Variants in FAR1 observed in about 807,000 individuals in gnomAD.
FAR1 encodes fatty acyl-CoA reductase 1, also known as male sterility domain-containing protein 2.
In FAR1, 22 loss-of-function variants were observed where a neutral mutation model predicts 61.1. The observed-to-expected ratio is 0.36, with a 90% CI of 0.26 to 0.51. FAR1 has a LOEUF of 0.51. Among genes scored for constraint, FAR1 ranks in the 20% least tolerant of loss-of-function variants. FAR1 has a pLI of 0.95. For missense variants in FAR1, 359 were observed against 626.9 expected (o/e 0.57, Z 4.56); for synonymous variants, 206 against 209.7 (o/e 0.98, Z 0.15).
chr11:13,675,008 A>G (rs1321091124), intron 1 of FAR1, among the ~76,000 whole-genome samples: 1 of 151,358 alleles, frequency 6.6e-6, no homozygotes, highest in African/African-American at 2.4e-5. Flanking sequence ...TGCTTCATCC[A>G]TACCTCCATC....
rs137930619 is a variant in FAR1, at chr11:13,675,276, A to G, written c.-8+6470A>G. Among the ~76,000 whole-genome samples the G allele has an allele frequency of 5.4e-3, 823 of 152,282 alleles. 5 individuals carry two copies. The highest frequency in any genetic ancestry group is 8.6e-3 in the Non-Finnish European group (586 of 68,012). Reference sequence around the variant, plus strand: ...GTGAAACAGAATGTAGCAACACTGGATCATGTGCCAAAATTGGTGGTAGAG... The same window carrying G: ...GTGAAACAGAATGTAGCAACACTGGGTCATGTGCCAAAATTGGTGGTAGAG... On this transcript the variant is annotated intron_variant, in intron 1 of 11. Transcript: ENST00000354817.
rs755496325 is a variant in FAR1, at chr11:13,700,442, C to A, written c.315C>A (p.Thr105=). 8.2e-6 allele frequency: 13 copies of A among 1,586,118 alleles called. No individual in the cohort carries two copies. Among genetic ancestry groups the A allele is most frequent in the African/African-American group, 1.4e-5 (1 of 72,988 alleles). Residue 105 remains threonine, a synonymous_variant, in exon 3 of 12, where the codon ACC becomes ACA. Transcript: ENST00000354817. ...ATAAAGAGGTGATCATAGATTCTACCAATATTATATTCCACTGTGCAGCTA... is the reference window on the plus strand; with the variant it reads ...ATAAAGAGGTGATCATAGATTCTACAAATATTATATTCCACTGTGCAGCTA... ...EEDKEVIIDS[T]NIIFHCAATV...
chr11:13,721,556 A>T lies in FAR1; in HGVS notation c.1128-174A>T. ...TTCCTTTTGGATTTATAAATTGTTC[A>T]TCCAAGATGCAGAAATAGTCTTATT... On this transcript the variant is annotated intron_variant, in intron 9 of 11. Transcript: ENST00000354817. The surrounding 1 kb of genome is among the most constrained non-coding windows in gnomAD (Gnocchi z 4.2). The T allele has an allele frequency of 1.9e-6, 1 of 524,286 alleles. No homozygotes were observed. The highest frequency in any genetic ancestry group is 3.2e-6 in the Non-Finnish European group (1 of 310,822). The allele number at this position is 524,286 out of a possible 1,614,324, so 32.5% of individuals were successfully genotyped here. A position where few individuals can be genotyped will look rare whatever the true frequency, so the allele number is the denominator to read the frequency against.
intron 1 of FAR1, among the ~76,000 whole-genome samples, chr11:13,683,054 A>C (rs942517505): frequency 1.3e-5 from 2 of 152,148 alleles, no homozygotes; most frequent in Non-Finnish European, 2.9e-5. Context: ...CTACCATATG[A>C]TCTTCCAGCT....
chr11:13,705,752 A>G (rs1848425444), intron 3 of FAR1, among the ~76,000 whole-genome samples: 1 of 152,162 alleles, frequency 6.6e-6, no homozygotes. Flanking sequence ...GTGTGTTTTC[A>G]TAGGGTCTTG....
intron 9 of FAR1, among the ~76,000 whole-genome samples, chr11:13,716,103 T>C (rs1025642183): frequency 6.6e-6 from 1 of 152,226 alleles, no homozygotes; most frequent in Non-Finnish European, 1.5e-5. Context: ...GGAAGCATTC[T>C]TCATGGCTAA....
At chr11:13,695,631 A>G (rs980252382) in intron 2 of FAR1, among the ~76,000 whole-genome samples, 13 of 152,176 alleles carry the variant, frequency 8.5e-5, no homozygotes, top group Non-Finnish European at 4.4e-5. Flanking sequence ...GACTGCAGGC[A>G]TATCTCAAAA....
chr11:13,718,432 C>T (rs1399938640), intron 9 of FAR1, among the ~76,000 whole-genome samples: 1 of 152,120 alleles, frequency 6.6e-6, no homozygotes, highest in African/African-American at 2.4e-5. Flanking sequence ...AGTTTGTTGT[C>T]CTCACTTCAA....
intron 5 of FAR1, 36 bp from the exon 6 acceptor site, chr11:13,711,728 C>CT: frequency 6.8e-7 from 1 of 1,461,640 alleles, no homozygotes; most frequent in Non-Finnish European, 9.5e-7. Flanking sequence ...CATAATGTTT[C>CT]TAAGCTTCTC....
intron 1 of FAR1, among the ~76,000 whole-genome samples, chr11:13,672,279 A>G (rs1352636149): frequency 2.6e-5 from 4 of 152,110 alleles, no homozygotes; most frequent in African/African-American, 4.8e-5. Context: ...ATGCTTTAAA[A>G]TGCTTGCACT....
In FAR1 at chr11:13,710,567, G is replaced by A. The variant is rs1848486891; in HGVS notation, c.546-126G>A. On this transcript the variant is annotated intron_variant, in intron 4 of 11. Coordinates refer to ENST00000354817, the MANE Select transcript of FAR1 (RefSeq NM_032228.6). ...AAATAAGACTAAGTTCCATTTTTCAGTAAAAGTTGTCAAATGATTTGAGTC... is the reference window on the plus strand; with the variant it reads ...AAATAAGACTAAGTTCCATTTTTCAATAAAAGTTGTCAAATGATTTGAGTC... The A allele has an allele frequency of 7.8e-6, 6 of 765,872 alleles. No homozygotes were observed. In the Admixed American group the frequency reaches 1.5e-4, roughly 19 times the overall value. 47.4% of individuals were successfully genotyped at this position (765,872 alleles called of 1,614,324 possible).
At chr11:13,671,345 G>T (rs1158670708) in intron 1 of FAR1, among the ~76,000 whole-genome samples, 2 of 152,188 alleles carry the variant, frequency 1.3e-5, no homozygotes, top group African/African-American at 4.8e-5. Flanking sequence ...GATGATTGAA[G>T]ATTCGAATGA....
At chr11:13,669,963 G>T (rs75992165) in intron 1 of FAR1, 1 of 152,090 alleles carries the variant, frequency 6.6e-6, no homozygotes, top group African/African-American at 2.4e-5. Context: ...TTTCTCAGCT[G>T]TCATGTTGGG....
chr11:13,723,290 G>A lies in FAR1; in HGVS notation c.1257+1431G>A, dbSNP rs376403632. Reference sequence around the variant, plus strand: ...TGAGGTGGGAGGATCAGTTGAGCCCGGGAGGTCAAGGCTGCAGTGAGATGT... The same window carrying A: ...TGAGGTGGGAGGATCAGTTGAGCCCAGGAGGTCAAGGCTGCAGTGAGATGT... On this transcript the variant is annotated intron_variant, in intron 10 of 11. Transcript: ENST00000354817. 3.2e-4 allele frequency: 112 copies of A among 345,984 alleles called. 1 individual carries two copies. The highest frequency in any genetic ancestry group is 1.2e-3 in the East Asian group (13 of 11,076). 21.4% of individuals were successfully genotyped at this position (345,984 alleles called of 1,614,324 possible).
In FAR1 at chr11:13,711,782, A is replaced by C. The variant is rs765221802; in HGVS notation, c.742A>C (p.Asn248His). 1.2e-5 allele frequency: 19 copies of C among 1,600,354 alleles called. No individual in the cohort carries two copies. The highest frequency in any genetic ancestry group is 1.7e-6 in the Non-Finnish European group (2 of 1,174,742). The change falls in exon 6 of 12, where the codon AAT (asparagine) becomes CAT (histidine). Residue 248 changes from asparagine (N) to histidine (H), a missense_variant. Physicochemically the swap from Asn to His is moderately conservative, Grantham distance 68. This residue lies in a region of FAR1 where 344 missense variants were observed against 570.3 expected (regional missense o/e 0.60). Coordinates refer to ENST00000354817, the MANE Select transcript of FAR1 (RefSeq NM_032228.6). ...EPFPGWIDNF[N>H]GPSGLFIAAG... The stretch of plus-strand genomic sequence containing the variant: ...GTATTAGGGATGGATTGATAACTTT[A>C]ATGGACCAAGTGGTCTCTTTATTGC...
In FAR1 at chr11:13,729,658, TCTC is replaced by T. The variant is rs1219583152; in HGVS notation, c.*889_*891del. On this transcript the variant is annotated 3_prime_UTR_variant, in exon 12 of 12. Coordinates refer to ENST00000354817, the MANE Select transcript of FAR1 (RefSeq NM_032228.6). ...TGGGAAGGATTCACCATACTTGTGT[TCTC>T]CTCCCTTTATAAATTTTATTCATAG... is the stretch of plus-strand genomic sequence containing the variant. 6.6e-6 allele frequency: 1 copy of T among 152,120 alleles called. No individual in the cohort carries two copies. Among genetic ancestry groups the T allele is most frequent in the East Asian group, 1.9e-4 (1 of 5,184 alleles). The allele number at this position is 152,120 out of a possible 1,614,324, so 9.4% of individuals were successfully genotyped here.
intron 1 of FAR1, among the ~76,000 whole-genome samples, chr11:13,687,089 T>C (rs1848194624): frequency 6.6e-6 from 1 of 152,238 alleles, no homozygotes; most frequent in African/African-American, 2.4e-5. Context: ...TATGTTTCTC[T>C]TAGTGCATTT....
intron 3 of FAR1, among the ~76,000 whole-genome samples, chr11:13,706,660 A>T (rs946677028): frequency 6.6e-6 from 1 of 152,168 alleles, no homozygotes; most frequent in Non-Finnish European, 1.5e-5. Flanking sequence ...AATTTTTAAA[A>T]ATAACAATAT....
At chr11:13,714,427 C>A in intron 8 of FAR1, 82 bp from the exon 9 acceptor site, 3 of 1,342,120 alleles carry the variant, frequency 2.2e-6, no homozygotes, top group Non-Finnish European at 3.0e-6. Flanking sequence ...AAATATTTTG[C>A]ATTATAAAAA....
Sources: gnomAD v4.1 joint callset for allele counts (sites outside exome capture counted in the v4.1 genomes callset) on GRCh38, gnomAD v4.1.1 for gene constraint, gnomAD v4.1.1 regional missense constraint, Gnocchi (gnomAD v3.1) non-coding constraint, MANE v1.5 for transcripts, NCBI Gene and HGNC (gene_info 2026-07-23, HGNC 2026-07-21) for gene names.